The following FYCO1 variants were observed in gnomAD, a reference collection of about 807,000 sequenced individuals.
FYCO1 encodes FYVE and coiled-coil domain autophagy adaptor 1.
Under a neutral mutation model 165.1 loss-of-function variants are expected in FYCO1, and 122 were observed. The ratio of observed to expected loss-of-function variants is 0.74; its 90% CI spans 0.64 to 0.86. The LOEUF (loss-of-function observed/expected upper bound fraction) is 0.86, where lower values mean the gene tolerates loss of function less well. Ranked by LOEUF, FYCO1 falls within the 40% of genes least tolerant of loss-of-function variation. The pLI, the probability that FYCO1 is intolerant of heterozygous loss-of-function variation, is 0.00. For missense variants in FYCO1, 1,702 were observed against 1,810.3 expected (o/e 0.94, Z 1.09); for synonymous variants, 648 against 742.5 (o/e 0.87, Z 2.07).
chr3:45,958,019 G>A (rs575102285), intron 13 of FYCO1, among the ~76,000 whole-genome samples: 9 of 152,336 alleles, frequency 5.9e-5, no homozygotes, highest in African/African-American at 1.9e-4. Context: ...AAGGAAGAGC[G>A]AGCTTCAGGA....
In FYCO1 at chr3:45,964,305, C is replaced by A; in HGVS notation, c.3269+31G>T. On this transcript the variant is annotated intron_variant, in intron 10 of 17. Transcript: ENST00000296137. The surrounding 1 kb of genome is among the most constrained non-coding windows in gnomAD (Gnocchi z 4.1). ...CCAAACACTCCTTCCCTGAAGACTA[C>A]CGACAGCTACGTAGGTGGACTGTGA... 1 of 1,515,298 alleles carries A rather than the reference C, an allele frequency of 6.6e-7. No individual in the cohort carries two copies. The highest frequency in any genetic ancestry group is 9.2e-7 in the Non-Finnish European group (1 of 1,089,784). The allele number at this position is 1,515,298 out of a possible 1,614,324, so 93.9% of individuals were successfully genotyped here.
intron 16 of FYCO1, among the ~76,000 whole-genome samples, chr3:45,929,418 A>C (rs1703480649): frequency 6.6e-6 from 1 of 152,216 alleles, no homozygotes; most frequent in Admixed American, 6.5e-5. Context: ...ATGGGCAGGC[A>C]AAACAGCAAA....
chr3:45,985,078 C>T, intron 1 of FYCO1, 56 bp from the exon 2 acceptor site: 1 of 722,906 alleles, frequency 1.4e-6, no homozygotes, highest in Non-Finnish European at 2.5e-6. Flanking sequence ...AATTTAACGA[C>T]AATATTAGAG....
intron 14 of FYCO1, chr3:45,947,301 G>T (rs771474851): frequency 1.2e-6 from 2 of 1,614,014 alleles, no homozygotes; most frequent in African/African-American, 2.7e-5. Flanking sequence ...CATGGTGACA[G>T]AGGCCATCGC....
In FYCO1 at chr3:45,920,158, C is replaced by T. The variant is rs1453064471; in HGVS notation, c.*1607G>A. 6.6e-6 allele frequency: 1 copy of T among 152,498 alleles called. No homozygotes were observed. Among genetic ancestry groups the T allele is most frequent in the Admixed American group, 6.5e-5 (1 of 15,296 alleles). 9.4% of individuals were successfully genotyped at this position (152,498 alleles called of 1,614,324 possible). A position where few individuals can be genotyped will look rare whatever the true frequency, so the allele number is the denominator to read the frequency against. ...CAGAAATGACCTCTTACTTGTGGCC[C>T]CACAAAAGTCCTCTTTGTTGGTGGT... is the stretch of plus-strand genomic sequence containing the variant. On this transcript the variant is annotated 3_prime_UTR_variant, in exon 18 of 18. Coordinates refer to ENST00000296137, the MANE Select transcript of FYCO1 (RefSeq NM_024513.4).
chr3:45,974,516 A>C (rs76679616), intron 5 of FYCO1, among the ~76,000 whole-genome samples: 8 of 152,336 alleles, frequency 5.3e-5, no homozygotes, highest in African/African-American at 1.9e-4. Context: ...ATCAATCTTT[A>C]AGGTGACATA....
chr3:45,923,174 CTTTGT>C (rs1476549856), intron 17 of FYCO1, among the ~76,000 whole-genome samples: 1 of 152,264 alleles, frequency 6.6e-6, no homozygotes, highest in Non-Finnish European at 1.5e-5. Context: ...TGGCCAGGGG[CTTTGT>C]GGTGCAGTTT....
rs1575376094 is a variant in FYCO1 at position 45,971,615 on chromosome 3, ATC to A, written c.539+1471_539+1472del. ...TTCCTGCCAAAAACACTTAACCTAA[ATC>A]CAATAATGAGGAAACATCAGACAAA... On this transcript the variant is annotated intron_variant, in intron 6 of 17. Transcript: ENST00000296137. Among the ~76,000 whole-genome samples the A allele has an allele frequency of 3.3e-5, 5 of 152,350 alleles. No homozygotes were observed. In the East Asian group the frequency reaches 9.6e-4, roughly 29 times the overall value.
intron 1 of FYCO1, among the ~76,000 whole-genome samples, chr3:45,987,088 T>C (rs375341605): frequency 1.3e-5 from 2 of 152,172 alleles, no homozygotes; most frequent in Non-Finnish European, 2.9e-5. Context: ...CAAAACAACA[T>C]GGAGGAATCT....
Position 45,967,787 on chromosome 3 carries a change from T to G in FYCO1, c.1547A>C (p.Gln516Pro). The change falls in exon 8 of 18, where the codon CAG (glutamine) becomes CCG (proline). Residue 516 changes from glutamine to proline, a missense_variant. Coordinates refer to ENST00000296137, the MANE Select transcript of FYCO1 (RefSeq NM_024513.4). ...QEVRSLTRQL[Q>P]FLETQLAQVS... ...CTGTGCCAGCTGGGTCTCCAGGAAC[T>G]GCAGCTGCCGGGTCAGAGACCTGAC... is the stretch of plus-strand genomic sequence containing the variant. The G allele has an allele frequency of 6.2e-7, 1 of 1,613,938 alleles. No homozygotes were observed. Among genetic ancestry groups the G allele is most frequent in the Non-Finnish European group, 8.5e-7 (1 of 1,180,028 alleles).
rs542980452 is a variant in FYCO1 at position 45,956,820 on chromosome 3, C to T, written c.3800-1427G>A. Among the ~76,000 whole-genome samples, 44 of 152,212 alleles carry T rather than the reference C, an allele frequency of 2.9e-4. No individual in the cohort carries two copies. The South Asian group carries it at 7.5e-3, about 26-fold the overall frequency. On this transcript the variant is annotated intron_variant, in intron 13 of 17. Transcript: ENST00000296137. ...ATTTTATTAAGATGTCAATTCTCCCCAAACTGAACTAGAGATTCAATGCAA... is the reference window on the plus strand; with the variant it reads ...ATTTTATTAAGATGTCAATTCTCCCTAAACTGAACTAGAGATTCAATGCAA...
intron 15 of FYCO1, 140 bp from the exon 16 acceptor site, chr3:45,931,421 T>C (rs921153427): frequency 3.7e-5 from 28 of 748,220 alleles, no homozygotes; most frequent in Non-Finnish European, 6.1e-5. Context: ...TTGGCCAACA[T>C]GCTTAATTAT....
intron 14 of FYCO1, among the ~76,000 whole-genome samples, chr3:45,942,120 A>C (rs1282472244): frequency 6.6e-6 from 1 of 152,258 alleles, no homozygotes; most frequent in East Asian, 1.9e-4. Context: ...TCATTCAAAA[A>C]GGCCTGCAAA....
chr3:45,944,346 T>C (rs1475714815), intron 14 of FYCO1, among the ~76,000 whole-genome samples: 1 of 152,230 alleles, frequency 6.6e-6, no homozygotes, highest in African/African-American at 2.4e-5. Context: ...GTAATAGTAA[T>C]AGTTAATACT....
At chr3:45,961,699 T>G (rs1309196001) in intron 11 of FYCO1, among the ~76,000 whole-genome samples, 2 of 151,996 alleles carry the variant, frequency 1.3e-5, no homozygotes, top group African/African-American at 4.8e-5. Context: ...TCTGGGAAGG[T>G]GGGTAAGCAG....
At chr3:45,959,038 C>T (rs530044754) in intron 12 of FYCO1, among the ~76,000 whole-genome samples, 25 of 152,356 alleles carry the variant, frequency 1.6e-4, no homozygotes, top group African/African-American at 5.0e-4. Flanking sequence ...GCCTGTGTTC[C>T]TCTAGTGAGG....
At position 45,953,631 on chromosome 3, in the gene FYCO1, T is replaced by G. The variant is rs528312932; in HGVS notation, c.3944+1618A>C. Among the ~76,000 whole-genome samples, 5 of 152,028 alleles carry G rather than the reference T, an allele frequency of 3.3e-5. No homozygotes were observed. The South Asian group carries it at 1.0e-3, about 31-fold the overall frequency. On this transcript the variant is annotated intron_variant, in intron 14 of 17. Transcript: ENST00000296137. Reference sequence around the variant, plus strand: ...TACTTAAGGATATCCTTGCCGTGGCTGCTTTGTCCCTCTGAAGCCTGCTCT... The same window carrying G: ...TACTTAAGGATATCCTTGCCGTGGCGGCTTTGTCCCTCTGAAGCCTGCTCT...
chr3:45,965,210 A>G (rs1705937975), intron 8 of FYCO1, 85 bp from the exon 9 acceptor site: 4 of 1,021,832 alleles, frequency 3.9e-6, no homozygotes, highest in Non-Finnish European at 4.5e-6. Context: ...AACAGATAAA[A>G]CCAAGCTAAC....
Position 45,936,524 on chromosome 3 carries a change from G to A in FYCO1, c.3964C>T (p.Leu1322=). Residue 1322 remains leucine, a synonymous_variant, in exon 15 of 18, where the codon CTA becomes TTA. Transcript: ENST00000296137. ...ATGTCTTCAGTGTCCTCAGGCGTTA[G>A]CGAGGTTGATGTAGTATCCCTGAAA... The part of the protein sequence containing the change: ...AAEQDTTSTS[L]TPEDTEDMPV... The A allele has an allele frequency of 6.2e-7, 1 of 1,612,958 alleles. No homozygotes were observed. Among genetic ancestry groups the A allele is most frequent in the Non-Finnish European group, 8.5e-7 (1 of 1,178,896 alleles).
Sources: gnomAD v4.1 joint callset for allele counts (sites outside exome capture counted in the v4.1 genomes callset) on GRCh38, gnomAD v4.1.1 for gene constraint, Gnocchi (gnomAD v3.1) non-coding constraint, MANE v1.5 for transcripts, NCBI Gene and HGNC (gene_info 2026-07-23, HGNC 2026-07-21) for gene names.